LHFPL3: variants seen among roughly 807,000 people sequenced by gnomAD.
LHFPL3 encodes LHFPL tetraspan subfamily member 3.
A neutral mutation model predicts 19.3 loss-of-function variants in LHFPL3; 5 were observed. That is an observed-to-expected ratio of 0.26 (90% CI 0.14 to 0.54). The LOEUF is 0.54. Among genes scored for constraint, LHFPL3 ranks in the 20% least tolerant of loss-of-function variants. The probability of loss-of-function intolerance (pLI) is 0.94; values close to 1 mark genes in which losing one functional copy is unlikely to be tolerated. For missense variants in LHFPL3, 249 were observed against 307.4 expected (o/e 0.81, Z 1.42); for synonymous variants, 133 against 126.2 (o/e 1.05, Z -0.36).
At chr7:104,668,533 A>G (rs1315016043) in intron 1 of LHFPL3, 7 of 1,613,102 alleles carry the variant, frequency 4.3e-6, no homozygotes, top group East Asian at 2.2e-5. Flanking sequence ...AGCAGAGACT[A>G]TGATAGAGGC....
intron 2 of LHFPL3, among the ~76,000 whole-genome samples, chr7:104,757,348 C>T (rs370686096): frequency 6.6e-6 from 1 of 152,050 alleles, no homozygotes; most frequent in African/African-American, 2.4e-5. Flanking sequence ...AAAACAAAAA[C>T]TGACAAGTGA....
intron 2 of LHFPL3, among the ~76,000 whole-genome samples, chr7:104,870,459 G>A (rs1791812341): frequency 6.6e-6 from 1 of 152,164 alleles, no homozygotes; most frequent in East Asian, 1.9e-4. Flanking sequence ...AGGATTCCAG[G>A]TGAAAATGTA....
At chr7:104,522,703 C>T (rs1016838749) in intron 1 of LHFPL3, among the ~76,000 whole-genome samples, 2 of 152,046 alleles carry the variant, frequency 1.3e-5, no homozygotes, top group Admixed American at 6.6e-5. Flanking sequence ...GTCTTTCTTG[C>T]CATTTGTCCT....
rs201886835 is a variant in LHFPL3, at chr7:104,353,703, A to T, written c.445+24479A>T. On this transcript the variant is annotated intron_variant, in intron 1 of 2. Transcript: ENST00000424859. ...TCAAACTGGTGAGCAGAACCTGCATAAACTCCAAGTGATATTAGCCATTTC... is the reference window on the plus strand; with the variant it reads ...TCAAACTGGTGAGCAGAACCTGCATTAACTCCAAGTGATATTAGCCATTTC... 7.9e-5 allele frequency among the ~76,000 whole-genome samples: 12 copies of T among 152,334 alleles called. No homozygotes were observed. The East Asian group carries it at 2.3e-3, about 29-fold the overall frequency.
chr7:104,812,441 A>G (rs1790487933), intron 2 of LHFPL3, among the ~76,000 whole-genome samples: 1 of 152,172 alleles, frequency 6.6e-6, no homozygotes, highest in Non-Finnish European at 1.5e-5. Flanking sequence ...GAAGGGAAAC[A>G]TAAAAGAATC....
At chr7:104,377,611 C>G (rs1790741182) in intron 1 of LHFPL3, among the ~76,000 whole-genome samples, 1 of 152,106 alleles carries the variant, frequency 6.6e-6, no homozygotes, top group Non-Finnish European at 1.5e-5. Flanking sequence ...ATTGGCTTTG[C>G]TGAAGAATTT....
chr7:104,447,863 C>A (rs76612748), intron 1 of LHFPL3, among the ~76,000 whole-genome samples: 1 of 151,846 alleles, frequency 6.6e-6, no homozygotes, highest in Admixed American at 6.6e-5. Context: ...TGGAAACATC[C>A]GTTTATCTGA....
chr7:104,735,759 T>C (rs1299219317), intron 1 of LHFPL3, among the ~76,000 whole-genome samples: 4 of 152,216 alleles, frequency 2.6e-5, no homozygotes, highest in Admixed American at 1.3e-4. Context: ...AGTACCTCAG[T>C]TGGAAATGCA....
intron 1 of LHFPL3, among the ~76,000 whole-genome samples, chr7:104,384,658 A>ATGCC (rs1790897887): frequency 6.6e-6 from 1 of 151,892 alleles, no homozygotes; most frequent in African/African-American, 2.4e-5. Flanking sequence ...ATGGTGGCAC[A>ATGCC]TGCCTGTAAT....
intron 1 of LHFPL3, among the ~76,000 whole-genome samples, chr7:104,546,705 G>A (rs539888520): frequency 9.8e-5 from 15 of 152,288 alleles, no homozygotes; most frequent in South Asian, 2.1e-4. Flanking sequence ...TTAATTCGGG[G>A]ATCCTCCCAA....
At chr7:104,531,890 T>G (rs147964058) in intron 1 of LHFPL3, among the ~76,000 whole-genome samples, 3 of 152,232 alleles carry the variant, frequency 2.0e-5, no homozygotes, top group African/African-American at 7.2e-5. Context: ...CAGGCACCTA[T>G]CCCTCCATGA....
chr7:104,795,449 C>T (rs1295650386), intron 2 of LHFPL3, among the ~76,000 whole-genome samples: 9 of 152,140 alleles, frequency 5.9e-5, no homozygotes, highest in Non-Finnish European at 7.3e-5. Context: ...ATTAAGACAG[C>T]GATTCTTCTA....
intron 2 of LHFPL3, among the ~76,000 whole-genome samples, chr7:104,807,170 G>T (rs1360144486): frequency 6.6e-6 from 1 of 152,018 alleles, no homozygotes; most frequent in South Asian, 2.1e-4. Context: ...TAATATGACT[G>T]GTGTCCTAAC....
At chr7:104,409,807 A>G (rs1436637175) in intron 1 of LHFPL3, among the ~76,000 whole-genome samples, 2 of 152,130 alleles carry the variant, frequency 1.3e-5, no homozygotes, top group African/African-American at 4.8e-5. Flanking sequence ...TGTGTCTGAC[A>G]ATGTCTCTTG....
At chr7:104,443,728 A>C (rs1366085551) in intron 1 of LHFPL3, among the ~76,000 whole-genome samples, 1 of 152,236 alleles carries the variant, frequency 6.6e-6, no homozygotes, top group African/African-American at 2.4e-5. Flanking sequence ...TTGCCCTGAC[A>C]AAATTCTTGT....
chr7:104,701,930 G>C (rs1298503115), intron 1 of LHFPL3, among the ~76,000 whole-genome samples: 2 of 151,980 alleles, frequency 1.3e-5, no homozygotes, highest in Non-Finnish European at 2.9e-5. Flanking sequence ...GGTTACATAG[G>C]TATACATGTG....
chr7:104,609,349 A>G (rs980690845), intron 1 of LHFPL3, among the ~76,000 whole-genome samples: 1 of 152,190 alleles, frequency 6.6e-6, no homozygotes, highest in African/African-American at 2.4e-5. Flanking sequence ...TTTATTTGCC[A>G]TTTATAATAT....
At chr7:104,767,218 T>C (rs1794470254) in intron 2 of LHFPL3, among the ~76,000 whole-genome samples, 1 of 152,212 alleles carries the variant, frequency 6.6e-6, no homozygotes, top group African/African-American at 2.4e-5. Flanking sequence ...AGTGGTCATA[T>C]AGAAACTGTC....
chr7:104,482,096 A>C (rs147358730), intron 1 of LHFPL3, among the ~76,000 whole-genome samples: 1 of 152,266 alleles, frequency 6.6e-6, no homozygotes, highest in African/African-American at 2.4e-5. Flanking sequence ...TGATTGATAC[A>C]GAGGTACAAA....
Sources: gnomAD v4.1 joint callset for allele counts (sites outside exome capture counted in the v4.1 genomes callset) on GRCh38, gnomAD v4.1.1 for gene constraint, MANE v1.5 for transcripts, NCBI Gene and HGNC (gene_info 2026-07-23, HGNC 2026-07-21) for gene names.